The following MYBPC2 variants were observed in gnomAD, a reference collection of about 807,000 sequenced individuals.
MYBPC2 encodes the protein myosin-binding protein C, fast-type.
Under a neutral mutation model 137.0 loss-of-function variants are expected in MYBPC2, and 122 were observed. That is an observed-to-expected ratio of 0.89 (90% CI 0.77 to 1.03). MYBPC2 has a LOEUF of 1.03. Among genes scored for constraint, MYBPC2 ranks in the 50% least tolerant of loss-of-function variants. The pLI is 0.00. For synonymous variants in MYBPC2, 626 were observed against 612.3 expected, an observed-to-expected ratio of 1.02 and a Z score of -0.33; for missense variants, 1,500 against 1,534.4, an observed-to-expected ratio of 0.98 and a Z score of 0.37.
chr19:50,442,382 C>T (rs1183723801), intron 9 of MYBPC2, 69 bp downstream of exon 9: 36 of 1,557,018 alleles, frequency 2.3e-5, no homozygotes, highest in Non-Finnish European at 2.6e-6. Flanking sequence ...GGAGACAAGG[C>T]CTATCACTCT....
At position 50,436,635 on chromosome 19, in the gene MYBPC2, C is replaced by T; in HGVS notation, c.364C>T (p.His122Tyr). 1.9e-6 allele frequency: 3 copies of T among 1,613,906 alleles called. No homozygotes were observed. Among genetic ancestry groups the T allele is most frequent in the Non-Finnish European group, 2.5e-6 (3 of 1,179,814 alleles). ...GACCCAGGTGTACACCGTGGAGCTG[C>T]ACATTGGGAAGGTGGTACTGGGGGA... ...SASNVYTVEL[H>Y]IGKVVLGDRG... Residue 122 changes from histidine (H) to tyrosine (Y), a missense_variant, in exon 5 of 28, where the codon CAC becomes TAC. By Grantham distance (83) the His-to-Tyr change is moderately conservative. Transcript: ENST00000357701.
chr19:50,451,841 C>T (rs1246273945), intron 15 of MYBPC2, 23 bp from the exon 16 acceptor site: 5 of 1,583,516 alleles, frequency 3.2e-6, no homozygotes, highest in Non-Finnish European at 4.3e-6. Flanking sequence ...CCCAGGGTCC[C>T]TGTATCTCTT....
At position 50,448,218 on chromosome 19, in the gene MYBPC2, T is replaced by G. The variant is rs1173606592; in HGVS notation, c.1307-7T>G. 1 of 1,612,312 alleles carries G rather than the reference T, an allele frequency of 6.2e-7. No individual in the cohort carries two copies. Among genetic ancestry groups the G allele is most frequent in the Non-Finnish European group, 8.5e-7 (1 of 1,179,014 alleles). ...TGACGGCTCCTTGTCTTTCTCTCCC[T>G]GACCAGAGAAACAGCTGGAGGTCCT... On this transcript the variant is annotated splice_region_variant and splice_polypyrimidine_tract_variant and intron_variant, in intron 12 of 27. Transcript: ENST00000357701.
At chr19:50,457,492 G>A (rs2039924180) in intron 20 of MYBPC2, among the ~76,000 whole-genome samples, 1 of 152,154 alleles carries the variant, frequency 6.6e-6, no homozygotes, top group Admixed American at 6.5e-5. Context: ...GCCCCTCTGT[G>A]CCAGCCTTGC....
Position 50,447,848 on chromosome 19 carries a change from A to T in MYBPC2, c.1307-377A>T, listed in dbSNP as rs1183306450. 5.9e-5 allele frequency among the ~76,000 whole-genome samples: 9 copies of T among 151,784 alleles called. No individual in the cohort carries two copies. In the East Asian group the frequency reaches 1.7e-3, roughly 29 times the overall value. On this transcript the variant is annotated intron_variant, in intron 12 of 27. Transcript: ENST00000357701. Reference sequence around the variant, plus strand: ...GTCCAGCCTGGGCGACAAGAGTGAAACTCCATCTCAAAAAAAAATAAATAA... The same window carrying T: ...GTCCAGCCTGGGCGACAAGAGTGAATCTCCATCTCAAAAAAAAATAAATAA...
chr19:50,451,397 A>T, intron 15 of MYBPC2, 88 bp downstream of exon 15: 2 of 1,077,400 alleles, frequency 1.9e-6, no homozygotes, highest in Non-Finnish European at 2.5e-6. Flanking sequence ...GAGGATAGGC[A>T]GGGCGAGGAA....
chr19:50,445,458 T>A (rs2039795316), intron 11 of MYBPC2, among the ~76,000 whole-genome samples: 1 of 151,330 alleles, frequency 6.6e-6, no homozygotes, highest in Non-Finnish European at 1.5e-5. Context: ...AATTGCGTGA[T>A]CTTGGCTCAC....
intron 9 of MYBPC2, among the ~76,000 whole-genome samples, 172 bp downstream of exon 9, chr19:50,442,485 C>T (rs1409699267): frequency 6.6e-6 from 1 of 152,198 alleles, no homozygotes; most frequent in South Asian, 2.1e-4. Flanking sequence ...GAGGCCGAGG[C>T]GGGTGGATCA....
Position 50,454,251 on chromosome 19 carries a change from C to A in MYBPC2, c.1910-14C>A. 6.2e-7 allele frequency: 1 copy of A among 1,613,840 alleles called. No homozygotes were observed. The highest frequency in any genetic ancestry group is 2.2e-5 in the East Asian group (1 of 44,850). ...AGGCCTCGAGGGGCCACCTGACTCT[C>A]CTGCCCCCTGCAGATGTCCCAGACC... On this transcript the variant is annotated splice_polypyrimidine_tract_variant and intron_variant, in intron 17 of 27. Coordinates refer to ENST00000357701, the MANE Select transcript of MYBPC2 (RefSeq NM_004533.4).
At position 50,435,091 on chromosome 19, in the gene MYBPC2, T is replaced by C. The variant is rs995615178; in HGVS notation, c.20-70T>C. 12 of 713,582 alleles carry C rather than the reference T, an allele frequency of 1.7e-5. No homozygotes were observed. The highest frequency in any genetic ancestry group is 3.1e-5 in the Non-Finnish European group (12 of 387,374). The allele number at this position is 713,582 out of a possible 1,614,324, so 44.2% of individuals were successfully genotyped here. On this transcript the variant is annotated intron_variant, in intron 1 of 27. Coordinates refer to ENST00000357701, the MANE Select transcript of MYBPC2 (RefSeq NM_004533.4). This position sits in a 1 kb window ranked among gnomAD's most constrained non-coding sequence, Gnocchi z 4.8. ...GGAGGAGGGGCTGGGGGGTCTGGAC[T>C]CCTGCGTCTGAGGGAGGGGCATGGG...
In MYBPC2 at chr19:50,435,875, C is replaced by T. The variant is rs371680581; in HGVS notation, c.196+13C>T. The stretch of plus-strand genomic sequence containing the variant: ...TCAGTGGAGACTGGTGAGGGGAACC[C>T]GGGGGAGGAGGGGCTGCGGCCCGGA... On this transcript the variant is annotated intron_variant, in intron 3 of 27. Transcript: ENST00000357701. This position sits in a 1 kb window ranked among gnomAD's most constrained non-coding sequence, Gnocchi z 4.8. 19 of 1,575,396 alleles carry T rather than the reference C, an allele frequency of 1.2e-5. No homozygotes were observed. Among genetic ancestry groups the T allele is most frequent in the South Asian group, 7.0e-5 (6 of 86,090 alleles).
At position 50,459,017 on chromosome 19, in the gene MYBPC2, C is replaced by T. The variant is rs1568668217; in HGVS notation, c.2595+11C>T. 7 of 1,602,260 alleles carry T rather than the reference C, an allele frequency of 4.4e-6. No homozygotes were observed. Among genetic ancestry groups the T allele is most frequent in the East Asian group, 2.3e-5 (1 of 44,176 alleles). On this transcript the variant is annotated intron_variant, in intron 22 of 27. Coordinates refer to ENST00000357701, the MANE Select transcript of MYBPC2 (RefSeq NM_004533.4). The stretch of plus-strand genomic sequence containing the variant: ...GTCGTCCCCTTCCAGGTCAGGGGAG[C>T]GGGGTCACGGGCCGGGGGTCCGCTC...
chr19:50,452,174 TG>T, intron 16 of MYBPC2, among the ~76,000 whole-genome samples, 171 bp downstream of exon 16: 1 of 152,324 alleles, frequency 6.6e-6, no homozygotes, highest in East Asian at 1.9e-4. Context: ...GCCTAGCACA[TG>T]GTGGATGCTC....
At chr19:50,436,774 C>G in intron 5 of MYBPC2, 40 bp downstream of exon 5, 1 of 1,581,536 alleles carries the variant, frequency 6.3e-7, no homozygotes, top group African/African-American at 1.3e-5. Flanking sequence ...GGTTCTATGT[C>G]TGGGTGGGGT....
At position 50,445,924 on chromosome 19, in the gene MYBPC2, C is replaced by T. The variant is rs372256711; in HGVS notation, c.1178C>T (p.Ala393Val). Residue 393 changes from alanine to valine, a missense_variant, in exon 12 of 28, where the codon GCC becomes GTC. Coordinates refer to ENST00000357701, the MANE Select transcript of MYBPC2 (RefSeq NM_004533.4). ...VELTREDSFK[A>V]RYRFKKDGKR... ...CTGACTCGGGAGGATTCCTTCAAGG[C>T]CCGGTACCGCTTCAAGAAGGACGGG... 14 of 1,610,388 alleles carry T rather than the reference C, an allele frequency of 8.7e-6. No homozygotes were observed. The East Asian group carries it at 1.3e-4, about 15-fold the overall frequency.
intron 8 of MYBPC2, among the ~76,000 whole-genome samples, chr19:50,441,775 G>A (rs989513861): frequency 6.6e-6 from 1 of 152,124 alleles, no homozygotes. Flanking sequence ...GGGAGGCAGA[G>A]GTTGTGGTGA....
intron 1 of MYBPC2, among the ~76,000 whole-genome samples, chr19:50,434,923 G>A (rs1350201184): frequency 6.6e-6 from 1 of 152,060 alleles, no homozygotes. Context: ...AGGGAAACCC[G>A]ATCCCACAGA....
At chr19:50,455,008 C>T in intron 18 of MYBPC2, 100 bp from the exon 19 acceptor site, 1 of 1,164,398 alleles carries the variant, frequency 8.6e-7, no homozygotes, top group East Asian at 2.6e-5. Flanking sequence ...CTCGGACCGC[C>T]CTGGCCATGC....
At position 50,463,985 on chromosome 19, in the gene MYBPC2, A is replaced by AGTGCCAGCGTCCTGAGGTGG. The variant is rs1360027736; in HGVS notation, c.3229-355_3229-336dup. On this transcript the variant is annotated intron_variant, in intron 26 of 27. Transcript: ENST00000357701. ...GGGCACTATGGAAGAGGGAACAGCC[A>AGTGCCAGCGTCCTGAGGTGG]GTGCCAGCGTCCTGAGGTGGGTGCC... Among the ~76,000 whole-genome samples the AGTGCCAGCGTCCTGAGGTGG allele has an allele frequency of 2.0e-5, 3 of 150,036 alleles. No individual in the cohort carries two copies. In the East Asian group the frequency reaches 5.8e-4, roughly 29 times the overall value.
Sources: allele counts gnomAD v4.1 joint callset (sites outside exome capture counted in the v4.1 genomes callset), GRCh38; gene constraint gnomAD v4.1.1; non-coding constraint Gnocchi (gnomAD v3.1); transcripts MANE v1.5; gene names NCBI Gene and HGNC (gene_info 2026-07-23, HGNC 2026-07-21).